The following ASB4 variants were observed in gnomAD, a reference collection of about 807,000 sequenced individuals.
The protein encoded by ASB4 is ankyrin repeat and SOCS box containing 4.
In ASB4, 35 loss-of-function variants were observed where a neutral mutation model predicts 38.6. The observed-to-expected ratio is 0.91, with a 90% CI of 0.69 to 1.20. The LOEUF (loss-of-function observed/expected upper bound fraction) is 1.20, where lower values mean the gene tolerates loss of function less well. ASB4 is among the 50% of genes most tolerant of loss of function. The probability of loss-of-function intolerance (pLI) is 0.00; values close to 1 mark genes in which losing one functional copy is unlikely to be tolerated. For missense variants in ASB4, 557 were observed against 527.2 expected, an observed-to-expected ratio of 1.06 and a Z score of -0.55; for synonymous variants, 195 against 201.3, an observed-to-expected ratio of 0.97 and a Z score of 0.26.
rs1204259107 is a variant in ASB4 at position 95,536,506 on chromosome 7, T to C, written c.1048T>C (p.Trp350Arg). 6.2e-7 allele frequency: 1 copy of C among 1,613,328 alleles called. No homozygotes were observed. The change falls in exon 4 of 5, where the codon TGG (tryptophan) becomes CGG (arginine). Residue 350 changes from tryptophan (W) to arginine (R), a missense_variant. By Grantham distance (101) the Trp-to-Arg change is moderately radical. Coordinates refer to ENST00000325885, the MANE Select transcript of ASB4 (RefSeq NM_016116.3). ...VVVNAYEHIR[W>R]NTKWRRAIPD... ...AGTCAATGCCTATGAACACATCAGA[T>C]GGAACACAAAGTGGAGAAGAGCTAT... is the stretch of plus-strand genomic sequence containing the variant.
At chr7:95,541,708 T>C (rs1416931264), downstream of ASB4, among the ~76,000 whole-genome samples, 1 of 152,204 alleles carries the variant, frequency 6.6e-6, no homozygotes. Flanking sequence ...TGGAAAAATT[T>C]AGTCACTTGA....
chr7:95,502,111 A>C (rs1262252052), intron 2 of ASB4, among the ~76,000 whole-genome samples: 1 of 152,008 alleles, frequency 6.6e-6, no homozygotes, highest in Non-Finnish European at 1.5e-5. Context: ...ACAACTAAAA[A>C]AAAAAGAGAG....
upstream of ASB4, among the ~76,000 whole-genome samples, chr7:95,481,566 A>G (rs1025990033): frequency 5.9e-5 from 9 of 152,194 alleles, no homozygotes; most frequent in African/African-American, 1.9e-4. Flanking sequence ...CTGGCTTCAA[A>G]TTTCTTCCCT....
intron 2 of ASB4, among the ~76,000 whole-genome samples, chr7:95,525,102 G>A (rs1454968293): frequency 1.3e-5 from 2 of 152,174 alleles, no homozygotes; most frequent in Non-Finnish European, 2.9e-5. Flanking sequence ...GAAGGTGAAG[G>A]CAGAGACTAG....
chr7:95,472,904 C>T, the ASB4 span, among the ~76,000 whole-genome samples: 1 of 152,134 alleles, frequency 6.6e-6, no homozygotes, highest in African/African-American at 2.4e-5. Flanking sequence ...TTTGCCAAAA[C>T]TTGTAGAGAA....
At chr7:95,549,568 ATTATAG>A in the ASB4 span, among the ~76,000 whole-genome samples, 3 of 152,014 alleles carry the variant, frequency 2.0e-5, no homozygotes, top group Non-Finnish European at 4.4e-5. Flanking sequence ...AAGTGCTGGG[ATTATAG>A]GCGTGAGCCA....
intron 1 of ASB4, among the ~76,000 whole-genome samples, chr7:95,492,660 G>A (rs1434730472): frequency 2.0e-5 from 3 of 152,118 alleles, no homozygotes; most frequent in Non-Finnish European, 4.4e-5. Context: ...TCCTTTCTGG[G>A]ATCATTTTTC....
chr7:95,472,543 G>C, the ASB4 span, among the ~76,000 whole-genome samples: 1 of 152,240 alleles, frequency 6.6e-6, no homozygotes, highest in Non-Finnish European at 1.5e-5. Flanking sequence ...ATCTGCAGTT[G>C]CCTGTTAGTG....
rs182376372 is a variant in ASB4 at position 95,505,126 on chromosome 7, G to A, written c.487+9069G>A. 9.9e-5 allele frequency among the ~76,000 whole-genome samples: 15 copies of A among 152,268 alleles called. No homozygotes were observed. The East Asian group carries it at 2.7e-3, about 27-fold the overall frequency. Reference sequence around the variant, plus strand: ...GGTCCTAACTGGCACAAAGAGAAGAGAAAAATACATAATGTACGATGATTG... The same window carrying A: ...GGTCCTAACTGGCACAAAGAGAAGAAAAAAATACATAATGTACGATGATTG... On this transcript the variant is annotated intron_variant, in intron 2 of 4. Coordinates refer to ENST00000325885, the MANE Select transcript of ASB4 (RefSeq NM_016116.3).
intron 2 of ASB4, among the ~76,000 whole-genome samples, chr7:95,506,509 G>A (rs994327221): frequency 6.6e-6 from 1 of 152,076 alleles, no homozygotes; most frequent in African/African-American, 2.4e-5. Context: ...CCCAGTGCAT[G>A]AATTCTACCC....
intron 2 of ASB4, among the ~76,000 whole-genome samples, chr7:95,500,519 A>G (rs1284396318): frequency 1.5e-4 from 20 of 129,742 alleles, no homozygotes; most frequent in South Asian, 2.7e-4. Flanking sequence ...GCTGTGAGCT[A>G]TTATTGGACC....
intron 2 of ASB4, among the ~76,000 whole-genome samples, chr7:95,500,264 A>G (rs1029910034): frequency 2.0e-5 from 3 of 152,070 alleles, no homozygotes; most frequent in South Asian, 2.1e-4. Flanking sequence ...GGATTACTGG[A>G]CTTATAAAAG....
chr7:95,511,371 C>T (rs765347992), intron 2 of ASB4, among the ~76,000 whole-genome samples: 1 of 152,002 alleles, frequency 6.6e-6, no homozygotes, highest in Non-Finnish European at 1.5e-5. Context: ...TTCTGGCAGC[C>T]CTCAGCAACA....
chr7:95,514,477 T>C (rs912246017), intron 2 of ASB4, among the ~76,000 whole-genome samples: 4 of 152,236 alleles, frequency 2.6e-5, no homozygotes, highest in Non-Finnish European at 4.4e-5. Context: ...TGAATTTGGA[T>C]GTCCCTCTTA....
chr7:95,527,180 T>C (rs570252269), intron 2 of ASB4, among the ~76,000 whole-genome samples: 1 of 152,222 alleles, frequency 6.6e-6, no homozygotes, highest in Non-Finnish European at 1.5e-5. Flanking sequence ...GTCGTGTGTG[T>C]GTGTGCATGT....
upstream of ASB4, among the ~76,000 whole-genome samples, chr7:95,482,642 G>A (rs1046814292): frequency 6.6e-6 from 1 of 152,206 alleles, no homozygotes; most frequent in Non-Finnish European, 1.5e-5. Flanking sequence ...CTTTCACAAG[G>A]CAAAGATGAT....
At chr7:95,477,132 AGCTGTTCTT>A, upstream of ASB4, among the ~76,000 whole-genome samples, 2 of 151,858 alleles carry the variant, frequency 1.3e-5, no homozygotes, top group Non-Finnish European at 2.9e-5. Flanking sequence ...AGGATACTGC[AGCTGTTCTT>A]CCGGGTTCAT....
In ASB4 at chr7:95,495,830, A is replaced by G. The variant is rs1229755395; in HGVS notation, c.260A>G (p.His87Arg). ...TGLHLSVLFG[H>R]VECLLVLLDH... ...CTCCATCTCTCTGTCTTGTTTGGCC[A>G]TGTGGAATGTCTTCTGGTGCTACTG... is the stretch of plus-strand genomic sequence containing the variant. The change falls in exon 2 of 5, where the codon CAT becomes CGT. Residue 87 changes from histidine to arginine, a missense_variant. Coordinates refer to ENST00000325885, the MANE Select transcript of ASB4 (RefSeq NM_016116.3). 7 of 1,611,748 alleles carry G rather than the reference A, an allele frequency of 4.3e-6. No homozygotes were observed. Among genetic ancestry groups the G allele is most frequent in the Non-Finnish European group, 5.9e-6 (7 of 1,179,740 alleles).
intron 2 of ASB4, among the ~76,000 whole-genome samples, chr7:95,516,548 T>C (rs545431825): frequency 6.6e-5 from 10 of 152,198 alleles, no homozygotes; most frequent in African/African-American, 1.9e-4. Flanking sequence ...TTCTGTGGAG[T>C]TGGCAGATAA....
Sources: allele counts gnomAD v4.1 joint callset (sites outside exome capture counted in the v4.1 genomes callset), GRCh38; gene constraint gnomAD v4.1.1; transcripts MANE v1.5; gene names NCBI Gene and HGNC (gene_info 2026-07-23, HGNC 2026-07-21).